MIPOL1: variants seen among roughly 807,000 people sequenced by gnomAD.
The protein encoded by MIPOL1 is mirror-image polydactyly gene 1 protein.
MIPOL1 carries 57 observed loss-of-function variants against 60.9 expected under a neutral mutation model. That is an observed-to-expected ratio of 0.94 (90% CI 0.76 to 1.17). MIPOL1 has a LOEUF of 1.17. Among genes scored for constraint, MIPOL1 ranks in the 50% most tolerant of loss-of-function variants. The pLI, the probability that MIPOL1 is intolerant of heterozygous loss-of-function variation, is 0.00. For missense variants in MIPOL1, 551 were observed against 511.6 expected (o/e 1.08, Z -0.74); for synonymous variants, 179 against 168.8 (o/e 1.06, Z -0.47).
chr14:37,311,439 T>C (rs1804174873), intron 9 of MIPOL1, among the ~76,000 whole-genome samples: 1 of 152,288 alleles, frequency 6.6e-6, no homozygotes, highest in African/African-American at 2.4e-5. Flanking sequence ...TGACAAGTTG[T>C]TATGTATAAA....
chr14:37,338,027 G>C (rs1175420360), intron 9 of MIPOL1, among the ~76,000 whole-genome samples: 1 of 150,410 alleles, frequency 6.6e-6, no homozygotes, highest in African/African-American at 2.4e-5. Context: ...CCTACTTTAA[G>C]TTCATTTGTT....
Position 37,550,154 on chromosome 14 carries a change from T to TGC in MIPOL1, c.*3183_*3184insGC, listed in dbSNP as rs2095558322. The TGC allele has an allele frequency of 3.3e-5, 5 of 151,414 alleles. No homozygotes were observed. Among genetic ancestry groups the TGC allele is most frequent in the Non-Finnish European group, 7.4e-5 (5 of 67,710 alleles). 9.4% of individuals were successfully genotyped at this position (151,414 alleles called of 1,614,324 possible). A position where few individuals can be genotyped will look rare whatever the true frequency, so the allele number is the denominator to read the frequency against. Reference sequence around the variant, plus strand: ...ATGATAAAGTTGATCCTTTGTATATTTCCTTATTCAAATAAATTCAGTCAT... The same window carrying TGC: ...ATGATAAAGTTGATCCTTTGTATATTGCTCCTTATTCAAATAAATTCAGTCAT... On this transcript the variant is annotated 3_prime_UTR_variant, in exon 13 of 13. Coordinates refer to ENST00000684589, the MANE Select transcript of MIPOL1 (RefSeq NM_001388067.1).
intron 9 of MIPOL1, among the ~76,000 whole-genome samples, chr14:37,355,052 T>TG (rs1182250706): frequency 6.8e-6 from 1 of 147,488 alleles, no homozygotes; most frequent in East Asian, 2.0e-4. Flanking sequence ...GTACCGGTTG[T>TG]CCTTTCCATG....
At chr14:37,410,693 A>G (rs2093667434) in intron 10 of MIPOL1, among the ~76,000 whole-genome samples, 2 of 152,172 alleles carry the variant, frequency 1.3e-5, no homozygotes, top group African/African-American at 4.8e-5. Flanking sequence ...CAAATAAATT[A>G]GGAGGCAAGT....
At chr14:37,319,768 TGCTAGTACTCCA>T (rs2088353684) in intron 9 of MIPOL1, among the ~76,000 whole-genome samples, 1 of 152,168 alleles carries the variant, frequency 6.6e-6, no homozygotes, top group African/African-American at 2.4e-5. Flanking sequence ...TATGGAACAC[TGCTAGTACTCCA>T]GGAGGCTCTT....
chr14:37,432,925 C>G (rs2094099630), intron 11 of MIPOL1, among the ~76,000 whole-genome samples: 1 of 151,930 alleles, frequency 6.6e-6, no homozygotes. Context: ...GAAAGAGAAC[C>G]AATAGACTGT....
chr14:37,269,424 AT>A (rs1329146107), intron 5 of MIPOL1, among the ~76,000 whole-genome samples: 1 of 151,732 alleles, frequency 6.6e-6, no homozygotes, highest in East Asian at 1.9e-4. Flanking sequence ...TGATTTTAAT[AT>A]TCTAGTTGTG....
intron 1 of MIPOL1, among the ~76,000 whole-genome samples, chr14:37,205,015 A>G (rs1018441614): frequency 2.0e-5 from 3 of 152,204 alleles, no homozygotes; most frequent in Non-Finnish European, 4.4e-5. Flanking sequence ...AGCAAAAGCA[A>G]AGAGACTGGC....
At chr14:37,207,914 T>C (rs149962631) in intron 1 of MIPOL1, among the ~76,000 whole-genome samples, 24 of 152,266 alleles carry the variant, frequency 1.6e-4, no homozygotes, top group Admixed American at 1.4e-3. Flanking sequence ...CCCATACTTG[T>C]TTTTGGTTAT....
intron 10 of MIPOL1, among the ~76,000 whole-genome samples, chr14:37,396,115 T>C (rs2093367237): frequency 6.6e-6 from 1 of 152,150 alleles, no homozygotes; most frequent in African/African-American, 2.4e-5. Context: ...AGGTTCTGTT[T>C]TGATGTGTTT....
chr14:37,275,639 A>G (rs758211092), intron 6 of MIPOL1, among the ~76,000 whole-genome samples: 21 of 151,140 alleles, frequency 1.4e-4, no homozygotes, highest in Non-Finnish European at 1.0e-4. Flanking sequence ...ATTCTATTCT[A>G]TTGCTTTTAT....
intron 9 of MIPOL1, among the ~76,000 whole-genome samples, chr14:37,327,507 C>T (rs553179821): frequency 4.6e-5 from 7 of 152,208 alleles, no homozygotes; most frequent in South Asian, 2.1e-4. Flanking sequence ...AAGCTGGTCT[C>T]GAATTGGGCT....
intron 9 of MIPOL1, among the ~76,000 whole-genome samples, chr14:37,332,640 T>G (rs1449160103): frequency 1.3e-5 from 2 of 152,212 alleles, no homozygotes; most frequent in Non-Finnish European, 2.9e-5. Context: ...TGAACTGTAT[T>G]TATCAGTGCC....
intron 12 of MIPOL1, among the ~76,000 whole-genome samples, chr14:37,515,246 G>C (rs1339779947): frequency 1.3e-5 from 2 of 148,722 alleles, no homozygotes; most frequent in African/African-American, 5.0e-5. Flanking sequence ...ATACATTCTT[G>C]AACAACTCAA....
chr14:37,537,002 C>A (rs1399018329), intron 12 of MIPOL1, among the ~76,000 whole-genome samples: 1 of 151,992 alleles, frequency 6.6e-6, no homozygotes, highest in Non-Finnish European at 1.5e-5. Flanking sequence ...TGAAAGTTGG[C>A]TTTTTTGCTG....
At chr14:37,512,068 G>T (rs1408791197) in intron 12 of MIPOL1, among the ~76,000 whole-genome samples, 5 of 151,980 alleles carry the variant, frequency 3.3e-5, no homozygotes, top group African/African-American at 1.2e-4. Context: ...TAACATCAAA[G>T]ATCAGGTTAA....
At chr14:37,215,768 A>G (rs1309128506) in intron 1 of MIPOL1, among the ~76,000 whole-genome samples, 15 of 152,148 alleles carry the variant, frequency 9.9e-5, no homozygotes, top group Admixed American at 9.8e-4. Flanking sequence ...AGACACACAG[A>G]CAGAAAATAA....
intron 9 of MIPOL1, among the ~76,000 whole-genome samples, chr14:37,323,358 A>G (rs2153448563): frequency 1.3e-5 from 2 of 152,168 alleles, no homozygotes. Context: ...TACCAGTACC[A>G]TGCTGTTTTG....
intron 10 of MIPOL1, chr14:37,400,625 G>A (rs1321662772): frequency 1.3e-5 from 2 of 152,054 alleles, no homozygotes; most frequent in Admixed American, 6.6e-5. Context: ...ATTTTTAAAC[G>A]TTTGAATGAA....
Sources: allele counts gnomAD v4.1 joint callset (sites outside exome capture counted in the v4.1 genomes callset), GRCh38; gene constraint gnomAD v4.1.1; transcripts MANE v1.5; gene names NCBI Gene and HGNC (gene_info 2026-07-23, HGNC 2026-07-21).